DUSP3: variants seen among roughly 807,000 people sequenced by gnomAD.
The protein encoded by DUSP3 is dual specificity phosphatase 3, also known as dual specificity protein phosphatase 3.
DUSP3 carries 7 observed loss-of-function variants against 15.5 expected under a neutral mutation model. That is an observed-to-expected ratio of 0.45 (90% CI 0.26 to 0.85). The LOEUF (loss-of-function observed/expected upper bound fraction) is 0.85, where lower values mean the gene tolerates loss of function less well. Among genes scored for constraint, DUSP3 ranks in the 40% least tolerant of loss-of-function variants. The pLI is 0.18. For missense variants in DUSP3, 209 were observed against 251.7 expected, an observed-to-expected ratio of 0.83 and a Z score of 1.15; for synonymous variants, 86 against 104.2, an observed-to-expected ratio of 0.83 and a Z score of 1.07.
chr17:43,771,665 T>G (rs1197682436), intron 2 of DUSP3, among the ~76,000 whole-genome samples: 3 of 152,110 alleles, frequency 2.0e-5, no homozygotes, highest in Non-Finnish European at 4.4e-5. Flanking sequence ...CCTGTGTCAT[T>G]GCCAGACATG....
chr17:43,774,782 CTG>C lies in DUSP3; in HGVS notation c.280_281del (p.Gln94GlyfsTer9). 1 of 1,614,158 alleles carries C rather than the reference CTG, an allele frequency of 6.2e-7. No individual in the cohort carries two copies. Among genetic ancestry groups the C allele is most frequent in the Non-Finnish European group, 8.5e-7 (1 of 1,180,038 alleles). On this transcript the variant is annotated frameshift_variant, in exon 2 of 3. Transcript: ENST00000226004. LOFTEE classifies it high-confidence loss of function. Reference protein sequence around the residue: ...TYLGIKANDTQEFNLSAYFER... With the variant: ...TYLGIKANDTXEFNLSAYFER... ...CAAAGTAAGCGCTGAGGTTGAACTCCTGTGTGTCGTTGGCCTTGATGCCCAGG... is the reference window on the plus strand; with the variant it reads ...CAAAGTAAGCGCTGAGGTTGAACTCCTGTGTCGTTGGCCTTGATGCCCAGG...
Position 43,774,849 on chromosome 17 carries a change from T to C in DUSP3, c.215A>G (p.Asn72Ser). The change falls in exon 2 of 3, where the codon AAC becomes AGC. Residue 72 changes from asparagine (N) to serine (S), a missense_variant. Asn to Ser is a conservative substitution (Grantham distance 46, BLOSUM62 1). Coordinates refer to ENST00000226004, the MANE Select transcript of DUSP3 (RefSeq NM_004090.4). Reference sequence around the variant, plus strand: ...GTCCTTGTAGAAGTTGGCATTGGTGTTGACGTGCATGAAGGACCTGCCCTC... The same window carrying C: ...GTCCTTGTAGAAGTTGGCATTGGTGCTGACGTGCATGAAGGACCTGCCCTC... ...AAEGRSFMHVNTNANFYKDSG... is the reference protein window; with the variant it reads ...AAEGRSFMHVSTNANFYKDSG... The C allele has an allele frequency of 6.2e-7, 1 of 1,614,186 alleles. No homozygotes were observed. Among genetic ancestry groups the C allele is most frequent in the South Asian group, 1.1e-5 (1 of 91,080 alleles).
Position 43,766,652 on chromosome 17 carries a change from T to C in DUSP3, c.*2957A>G, listed in dbSNP as rs1358204043. On this transcript the variant is annotated 3_prime_UTR_variant, in exon 3 of 3. Transcript: ENST00000226004. ...TCACATACCCATAATTTCCTTGCGG[T>C]GCTGAATTCCAAGTGGGGATTATTA... 2 of 152,476 alleles carry C rather than the reference T, an allele frequency of 1.3e-5. No individual in the cohort carries two copies. Among genetic ancestry groups the C allele is most frequent in the Non-Finnish European group, 2.9e-5 (2 of 67,990 alleles). The allele number at this position is 152,476 out of a possible 1,614,324, so 9.4% of individuals were successfully genotyped here. A position where few individuals can be genotyped will look rare whatever the true frequency, so the allele number is the denominator to read the frequency against.
Position 43,769,577 on chromosome 17 carries a change from C to G in DUSP3, c.*32G>C. ...ACACCTTTGCCCACGGCCTCCCCCA[C>G]GGACCTCTCGAGCAGAGGTGGTGGG... On this transcript the variant is annotated 3_prime_UTR_variant, in exon 3 of 3. Transcript: ENST00000226004. 1 of 1,609,402 alleles carries G rather than the reference C, an allele frequency of 6.2e-7. No homozygotes were observed. The highest frequency in any genetic ancestry group is 1.1e-5 in the South Asian group (1 of 90,890).
intron 2 of DUSP3, chr17:43,774,198 C>T (rs2154590676): frequency 3.8e-6 from 1 of 265,334 alleles, no homozygotes; most frequent in Non-Finnish European, 7.3e-6. Context: ...ATCTGCTGTA[C>T]TTTGTCCTGC....
chr17:43,771,395 G>A (rs961217353), intron 2 of DUSP3, among the ~76,000 whole-genome samples: 4 of 152,124 alleles, frequency 2.6e-5, no homozygotes, highest in Non-Finnish European at 5.9e-5. Flanking sequence ...AGGACCGACT[G>A]TATATTCTAT....
In DUSP3 at chr17:43,766,918, C is replaced by G. The variant is rs1176305975; in HGVS notation, c.*2691G>C. 6.6e-6 allele frequency: 1 copy of G among 152,196 alleles called. No individual in the cohort carries two copies. The highest frequency in any genetic ancestry group is 1.5e-5 in the Non-Finnish European group (1 of 68,040). The allele number at this position is 152,196 out of a possible 1,614,324, so 9.4% of individuals were successfully genotyped here. ...GGTAAGGGCACCCTGAGTTCCTGTT[C>G]CATCACTTCCCAGGCAGTAGAAGGC... is the stretch of plus-strand genomic sequence containing the variant. On this transcript the variant is annotated 3_prime_UTR_variant, in exon 3 of 3. Transcript: ENST00000226004.
intron 1 of DUSP3, chr17:43,777,777 T>C (rs1974407483): frequency 8.6e-6 from 2 of 233,048 alleles, no homozygotes; most frequent in Non-Finnish European, 1.8e-5. Context: ...TCTCAGAATG[T>C]TAACACTGGT....
rs1314474944 is a variant in DUSP3, at chr17:43,767,150, A to G, written c.*2459T>C. ...TTCTCCCAATGGCCTTTTCTCCCTC[A>G]TGCCCCCACAGAGACTTTCGAGAGG... On this transcript the variant is annotated 3_prime_UTR_variant, in exon 3 of 3. Transcript: ENST00000226004. 1.3e-5 allele frequency: 2 copies of G among 152,640 alleles called. No homozygotes were observed. The highest frequency in any genetic ancestry group is 1.3e-4 in the Admixed American group (2 of 15,276). 9.5% of individuals were successfully genotyped at this position (152,640 alleles called of 1,614,324 possible).
At position 43,769,538 on chromosome 17, in the gene DUSP3, C is replaced by G; in HGVS notation, c.*71G>C. 6.4e-7 allele frequency: 1 copy of G among 1,565,896 alleles called. No individual in the cohort carries two copies. Among genetic ancestry groups the G allele is most frequent in the Non-Finnish European group, 8.7e-7 (1 of 1,145,962 alleles). Reference sequence around the variant, plus strand: ...AGCAGGGTACAGTGTGTTTCCTAAACATGGCAGCTCGGGACACCTTTGCCC... The same window carrying G: ...AGCAGGGTACAGTGTGTTTCCTAAAGATGGCAGCTCGGGACACCTTTGCCC... On this transcript the variant is annotated 3_prime_UTR_variant, in exon 3 of 3. Coordinates refer to ENST00000226004, the MANE Select transcript of DUSP3 (RefSeq NM_004090.4).
chr17:43,770,006 C>A (rs560708504), intron 2 of DUSP3, among the ~76,000 whole-genome samples, 192 bp from the exon 3 acceptor site: 1 of 152,266 alleles, frequency 6.6e-6, no homozygotes, highest in African/African-American at 2.4e-5. Flanking sequence ...AACTCTTCTG[C>A]GTGGCTGGGG....
In DUSP3 at chr17:43,767,763, A is replaced by T. The variant is rs1330930577; in HGVS notation, c.*1846T>A. On this transcript the variant is annotated 3_prime_UTR_variant, in exon 3 of 3. Transcript: ENST00000226004. ...TGGACACCTTTTTCACTATCTGGAGAAGAAGACACATACTGGTTGTTCAGG... is the reference window on the plus strand; with the variant it reads ...TGGACACCTTTTTCACTATCTGGAGTAGAAGACACATACTGGTTGTTCAGG... The T allele has an allele frequency of 1.3e-5, 2 of 150,802 alleles. No individual in the cohort carries two copies. The highest frequency in any genetic ancestry group is 5.0e-5 in the African/African-American group (2 of 40,164). The allele number at this position is 150,802 out of a possible 1,614,324, so 9.3% of individuals were successfully genotyped here.
chr17:43,773,459 G>A (rs1052965962), intron 2 of DUSP3, among the ~76,000 whole-genome samples: 2 of 152,180 alleles, frequency 1.3e-5, no homozygotes, highest in African/African-American at 2.4e-5. Context: ...GACTGCCAGC[G>A]CCTTGGTAGT....
rs200442867 is a variant in DUSP3, at chr17:43,769,847, G to A, written c.353-33C>T. 138 of 1,611,938 alleles carry A rather than the reference G, an allele frequency of 8.6e-5. No individual in the cohort carries two copies. In the African/African-American group the frequency reaches 1.6e-3, roughly 19 times the overall value. ...AAACAGGGGAGACGTGGTGAGCTGG[G>A]GGCGTCCCATCACACCATGGCGTTG... is the stretch of plus-strand genomic sequence containing the variant. On this transcript the variant is annotated intron_variant, in intron 2 of 2. Transcript: ENST00000226004.
intron 2 of DUSP3, 86 bp from the exon 3 acceptor site, chr17:43,769,900 T>A: frequency 1.4e-6 from 2 of 1,407,314 alleles, no homozygotes; most frequent in East Asian, 2.3e-5. Flanking sequence ...AAGTGCCACT[T>A]AAAAGCACAA....
chr17:43,772,722 A>G (rs1974334400), intron 2 of DUSP3, among the ~76,000 whole-genome samples: 1 of 152,214 alleles, frequency 6.6e-6, no homozygotes, highest in Admixed American at 6.5e-5. Context: ...CTGATGCTAC[A>G]TCAGGTGCTA....
Position 43,774,771 on chromosome 17 carries a change from AGGT to A in DUSP3, c.290_292del (p.Asn97_Leu98delinsIle), listed in dbSNP as rs1430146174. 6.2e-7 allele frequency: 1 copy of A among 1,614,132 alleles called. No homozygotes were observed. Among genetic ancestry groups the A allele is most frequent in the East Asian group, 2.2e-5 (1 of 44,866 alleles). On this transcript the variant is annotated inframe_deletion, in exon 2 of 3. Coordinates refer to ENST00000226004, the MANE Select transcript of DUSP3 (RefSeq NM_004090.4). ...GGCAGCCCTTTCAAAGTAAGCGCTGAGGTTGAACTCCTGTGTGTCGTTGGCCTT... is the reference window on the plus strand; with the variant it reads ...GGCAGCCCTTTCAAAGTAAGCGCTGATGAACTCCTGTGTGTCGTTGGCCTT...
At chr17:43,772,006 G>A (rs775742530) in intron 2 of DUSP3, among the ~76,000 whole-genome samples, 7 of 123,748 alleles carry the variant, frequency 5.7e-5, no homozygotes, top group Admixed American at 8.7e-5. Flanking sequence ...GCGAGACTCC[G>A]TCTCAAAAAA....
intron 2 of DUSP3, among the ~76,000 whole-genome samples, chr17:43,773,254 G>C (rs1170021576): frequency 1.3e-5 from 2 of 152,216 alleles, no homozygotes; most frequent in African/African-American, 2.4e-5. Flanking sequence ...CATCAGTGTA[G>C]TACAGCCAAG....
Sources: gnomAD v4.1 joint callset for allele counts (sites outside exome capture counted in the v4.1 genomes callset) on GRCh38, gnomAD v4.1.1 for gene constraint, MANE v1.5 for transcripts, NCBI Gene and HGNC (gene_info 2026-07-23, HGNC 2026-07-21) for gene names.